CDON: variants seen among roughly 807,000 people sequenced by gnomAD.
CDON encodes cell adhesion molecule-related/down-regulated by oncogenes.
CDON carries 73 observed loss-of-function variants against 120.9 expected under a neutral mutation model. The observed-to-expected ratio is 0.60, with a 90% CI of 0.50 to 0.73. The LOEUF is 0.73. Ranked by LOEUF, CDON falls within the 30% of genes least tolerant of loss-of-function variation. The pLI is 0.00. For missense variants in CDON, 1,470 were observed against 1,587.3 expected, an observed-to-expected ratio of 0.93 and a Z score of 1.26; for synonymous variants, 566 against 573.5, an observed-to-expected ratio of 0.99 and a Z score of 0.19.
intron 18 of CDON, among the ~76,000 whole-genome samples, chr11:125,977,309 G>C (rs911885930): frequency 6.6e-6 from 1 of 152,186 alleles, no homozygotes; most frequent in Non-Finnish European, 1.5e-5. Context: ...TGTTGCTTTT[G>C]TTCTGCAACT....
At position 125,961,988 on chromosome 11, in the gene CDON, T is replaced by C. The variant is rs1310572868; in HGVS notation, c.3367A>G (p.Lys1123Glu). The C allele has an allele frequency of 3.7e-6, 6 of 1,614,024 alleles. No individual in the cohort carries two copies. In the Admixed American group the frequency reaches 8.3e-5, roughly 22 times the overall value. The change falls in exon 19 of 20, where the codon AAA becomes GAA. Residue 1123 changes from lysine to glutamate, a missense_variant. By Grantham distance (56) the Lys-to-Glu change is moderately conservative. Coordinates refer to ENST00000531738, the MANE Select transcript of CDON (RefSeq NM_001378964.1). Reference protein sequence around the residue: ...NCRNNNRCFTKTNSTFSSSPP... With the variant: ...NCRNNNRCFTETNSTFSSSPP... Reference sequence around the variant, plus strand: ...CTGCTGCTGAAAGTGCTGTTGGTTTTGGTGAAACACCTGCAGAGGTTAAAC... The same window carrying C: ...CTGCTGCTGAAAGTGCTGTTGGTTTCGGTGAAACACCTGCAGAGGTTAAAC...
At chr11:125,988,228 G>A (rs956071154) in intron 15 of CDON, among the ~76,000 whole-genome samples, 2 of 152,064 alleles carry the variant, frequency 1.3e-5, no homozygotes, top group African/African-American at 2.4e-5. Flanking sequence ...GACGTTGGGG[G>A]AAATTTTCCT....
Position 126,015,436 on chromosome 11 carries a change from C to T in CDON, c.1003G>A (p.Val335Ile), listed in dbSNP as rs768030484. The T allele has an allele frequency of 6.8e-6, 11 of 1,614,110 alleles. No individual in the cohort carries two copies. Among genetic ancestry groups the T allele is most frequent in the Middle Eastern group, 1.6e-4 (1 of 6,062 alleles). The change falls in exon 7 of 20, where the codon GTT (valine) becomes ATT (isoleucine). Residue 335 changes from valine (V) to isoleucine (I), a missense_variant. Val to Ile is a conservative substitution (Grantham distance 29). Transcript: ENST00000531738. ...CAGTTGGGGGCTGGGTTCCCATGAACGTCGCAGGTAAAGTGTACTGTGGCA... is the reference window on the plus strand; with the variant it reads ...CAGTTGGGGGCTGGGTTCCCATGAATGTCGCAGGTAAAGTGTACTGTGGCA... ...LGATVHFTCD[V>I]HGNPAPNCTW...
At position 126,015,434 on chromosome 11, in the gene CDON, A is replaced by T. The variant is rs759850471; in HGVS notation, c.1005T>A (p.Val335=). 6.2e-7 allele frequency: 1 copy of T among 1,614,130 alleles called. No homozygotes were observed. Among genetic ancestry groups the T allele is most frequent in the Admixed American group, 1.7e-5 (1 of 60,014 alleles). Residue 335 remains valine (V), a synonymous_variant, in exon 7 of 20, where the codon GTT becomes GTA. Coordinates refer to ENST00000531738, the MANE Select transcript of CDON (RefSeq NM_001378964.1). ...LGATVHFTCD[V]HGNPAPNCTW... ...TACAGTTGGGGGCTGGGTTCCCATG[A>T]ACGTCGCAGGTAAAGTGTACTGTGG... is the stretch of plus-strand genomic sequence containing the variant.
chr11:125,982,402 T>C (rs768158051), intron 16 of CDON, among the ~76,000 whole-genome samples: 10 of 152,124 alleles, frequency 6.6e-5, no homozygotes, highest in Non-Finnish European at 1.3e-4. Context: ...CTGTACAGGA[T>C]TTGTTGTTGG....
chr11:125,973,504 C>T lies in CDON; in HGVS notation c.3356+4800G>A, dbSNP rs551429907. On this transcript the variant is annotated intron_variant, in intron 18 of 19. Coordinates refer to ENST00000531738, the MANE Select transcript of CDON (RefSeq NM_001378964.1). Reference sequence around the variant, plus strand: ...CAAGATCGTGCCACTGCACTCCAGCCTGGGCAACAGAGTGAGACTCCATCT... The same window carrying T: ...CAAGATCGTGCCACTGCACTCCAGCTTGGGCAACAGAGTGAGACTCCATCT... 1.2e-4 allele frequency among the ~76,000 whole-genome samples: 18 copies of T among 152,222 alleles called. No homozygotes were observed. In the East Asian group the frequency reaches 2.9e-3, roughly 25 times the overall value.
intron 6 of CDON, among the ~76,000 whole-genome samples, chr11:126,016,709 T>G (rs1239474858): frequency 6.6e-6 from 1 of 152,170 alleles, no homozygotes; most frequent in Non-Finnish European, 1.5e-5. Context: ...TGAGTTACCA[T>G]GCCTGGCCTG....
chr11:125,993,908 A>G (rs138315063), intron 14 of CDON, among the ~76,000 whole-genome samples: 59 of 152,364 alleles, frequency 3.9e-4, no homozygotes, highest in African/African-American at 1.3e-3. Context: ...TGCTTAAGAC[A>G]TCATCTTTCT....
chr11:125,975,182 C>G (rs947981808), intron 18 of CDON, among the ~76,000 whole-genome samples: 6 of 152,192 alleles, frequency 3.9e-5, no homozygotes, highest in African/African-American at 1.4e-4. Flanking sequence ...AAATTGCATA[C>G]CCTTGTATAC....
chr11:126,013,349 T>C (rs1947361188), intron 7 of CDON, among the ~76,000 whole-genome samples: 2 of 152,172 alleles, frequency 1.3e-5, no homozygotes. Flanking sequence ...GTTTCCATCT[T>C]TTCCTCTTCT....
At chr11:126,004,527 T>C (rs1947058534) in intron 9 of CDON, 3 of 170,406 alleles carry the variant, frequency 1.8e-5, no homozygotes, top group Admixed American at 1.7e-4. Context: ...ATTATGTATA[T>C]TTCCAGCATT....
rs1029920451 is a variant in CDON, at chr11:125,960,539, T to G, written c.*403A>C. The G allele has an allele frequency of 8.8e-6, 2 of 226,420 alleles. No individual in the cohort carries two copies. The highest frequency in any genetic ancestry group is 8.7e-6 in the Non-Finnish European group (1 of 114,316). The allele number at this position is 226,420 out of a possible 1,614,324, so 14.0% of individuals were successfully genotyped here. A position where few individuals can be genotyped will look rare whatever the true frequency, so the allele number is the denominator to read the frequency against. On this transcript the variant is annotated 3_prime_UTR_variant, in exon 20 of 20. Transcript: ENST00000531738. Reference sequence around the variant, plus strand: ...AGAATACACTATTGAAAGACCATTTTCCACCTGAAAACCCAGCTGGTGGCA... The same window carrying G: ...AGAATACACTATTGAAAGACCATTTGCCACCTGAAAACCCAGCTGGTGGCA...
intron 1 of CDON, among the ~76,000 whole-genome samples, chr11:126,028,467 G>C (rs998139391): frequency 6.6e-6 from 1 of 151,950 alleles, no homozygotes; most frequent in Admixed American, 6.6e-5. Flanking sequence ...AGGTTCAAGC[G>C]ACTCTCTGCC....
chr11:126,022,372 A>G (rs369611422), intron 2 of CDON, among the ~76,000 whole-genome samples: 29 of 152,212 alleles, frequency 1.9e-4, no homozygotes, highest in African/African-American at 6.8e-4. Context: ...GGAAGCCACA[A>G]TTGAAATACA....
At position 125,978,391 on chromosome 11, in the gene CDON, G is replaced by A. The variant is rs1020300748; in HGVS notation, c.3277-8C>T. Reference sequence around the variant, plus strand: ...CGTGTACATTCCACCACCCTGGACAGGAAGGAGTGTCAGAGAAAAAGAAAA... The same window carrying A: ...CGTGTACATTCCACCACCCTGGACAAGAAGGAGTGTCAGAGAAAAAGAAAA... On this transcript the variant is annotated splice_region_variant and splice_polypyrimidine_tract_variant and intron_variant, in intron 17 of 19. Coordinates refer to ENST00000531738, the MANE Select transcript of CDON (RefSeq NM_001378964.1). 2 of 1,580,718 alleles carry A rather than the reference G, an allele frequency of 1.3e-6. No homozygotes were observed. The highest frequency in any genetic ancestry group is 1.3e-5 in the African/African-American group (1 of 74,516).
chr11:126,010,308 C>T, intron 8 of CDON, 33 bp downstream of exon 8: 1 of 1,380,518 alleles, frequency 7.2e-7, no homozygotes. Flanking sequence ...AAGGAAATTA[C>T]TCAACTAAAA....
intron 1 of CDON, among the ~76,000 whole-genome samples, chr11:126,033,505 A>T (rs1223597290): frequency 6.6e-6 from 1 of 152,180 alleles, no homozygotes; most frequent in African/African-American, 2.4e-5. Flanking sequence ...CTAATGAAAA[A>T]GTTTTAAAGC....
chr11:125,976,587 CTACA>C (rs1285929653), intron 18 of CDON, among the ~76,000 whole-genome samples: 1 of 137,610 alleles, frequency 7.3e-6, no homozygotes, highest in East Asian at 2.0e-4. Flanking sequence ...TACTAAAATA[CTACA>C]TACACACACA....
At chr11:125,964,069 T>C (rs3886860) in intron 18 of CDON, among the ~76,000 whole-genome samples, 5,701 of 152,296 alleles carry the variant, frequency 0.037, 334 homozygotes, top group African/African-American at 0.13. Context: ...AAAATGTCCA[T>C]GTGATCAGTG....
Sources: gnomAD v4.1 joint callset for allele counts (sites outside exome capture counted in the v4.1 genomes callset) on GRCh38, gnomAD v4.1.1 for gene constraint, MANE v1.5 for transcripts, NCBI Gene and HGNC (gene_info 2026-07-23, HGNC 2026-07-21) for gene names.